The following PTPRM variants were observed in gnomAD, a reference collection of about 807,000 sequenced individuals.
PTPRM encodes the protein protein tyrosine phosphatase receptor type M, also known as receptor-type tyrosine-protein phosphatase mu.
A neutral mutation model predicts 186.7 loss-of-function variants in PTPRM; 47 were observed. The observed-to-expected ratio is 0.25, with a 90% CI of 0.20 to 0.32. The LOEUF is 0.32. Among genes scored for constraint, PTPRM ranks in the 10% least tolerant of loss-of-function variants. PTPRM has a pLI of 1.00. For missense variants in PTPRM, 1,494 were observed against 1,865.0 expected (o/e 0.80, Z 3.66); for synonymous variants, 668 against 674.9 (o/e 0.99, Z 0.16).
At chr18:7,641,114 A>G (rs1307865993) in intron 1 of PTPRM, among the ~76,000 whole-genome samples, 2 of 152,310 alleles carry the variant, frequency 1.3e-5, no homozygotes, top group African/African-American at 4.8e-5. Context: ...TCCCGGAGCT[A>G]AAGCTTGATT....
At chr18:8,078,051 T>C (rs181224116) in intron 9 of PTPRM, among the ~76,000 whole-genome samples, 2 of 152,338 alleles carry the variant, frequency 1.3e-5, no homozygotes, top group Non-Finnish European at 2.9e-5. Context: ...CAGATATGTG[T>C]AAGTAGAACA....
intron 9 of PTPRM, among the ~76,000 whole-genome samples, chr18:8,081,245 AC>A (rs1323053831): frequency 6.6e-6 from 1 of 152,202 alleles, no homozygotes; most frequent in African/African-American, 2.4e-5. Flanking sequence ...TCAGGCACTT[AC>A]CTGCAAATCA....
chr18:8,165,376 T>G (rs898539862), intron 14 of PTPRM, among the ~76,000 whole-genome samples: 1 of 152,044 alleles, frequency 6.6e-6, no homozygotes, highest in Non-Finnish European at 1.5e-5. Context: ...AAAGTTACTG[T>G]CCAGCCGATA....
At chr18:8,033,184 A>G (rs1023198218) in intron 7 of PTPRM, among the ~76,000 whole-genome samples, 3 of 152,220 alleles carry the variant, frequency 2.0e-5, no homozygotes, top group Non-Finnish European at 4.4e-5. Context: ...ATCAATTAAA[A>G]AATGAATACT....
At chr18:7,671,456 T>A (rs2039216503) in intron 1 of PTPRM, among the ~76,000 whole-genome samples, 1 of 152,228 alleles carries the variant, frequency 6.6e-6, no homozygotes, top group Non-Finnish European at 1.5e-5. Flanking sequence ...AGTCCAGCAG[T>A]TATTCATTTT....
At chr18:7,879,412 A>C (rs1157463416) in intron 2 of PTPRM, among the ~76,000 whole-genome samples, 1 of 152,176 alleles carries the variant, frequency 6.6e-6, no homozygotes, top group Non-Finnish European at 1.5e-5. Flanking sequence ...AAACAACTTA[A>C]AATATGATAT....
At chr18:8,319,321 G>A in intron 22 of PTPRM, 107 bp downstream of exon 22, 1 of 760,824 alleles carries the variant, frequency 1.3e-6, no homozygotes, top group Non-Finnish European at 2.1e-6. Context: ...ATTTATTGCG[G>A]TTCTAGCCAT....
chr18:7,987,194 C>A (rs2083008626), intron 7 of PTPRM, among the ~76,000 whole-genome samples: 1 of 152,128 alleles, frequency 6.6e-6, no homozygotes, highest in Non-Finnish European at 1.5e-5. Context: ...TTCTCTACTG[C>A]CCACAGTAGA....
intron 22 of PTPRM, among the ~76,000 whole-genome samples, chr18:8,324,655 G>A (rs963837564): frequency 7.9e-5 from 12 of 152,204 alleles, no homozygotes; most frequent in African/African-American, 2.9e-4. Context: ...CCATGTGCCA[G>A]ACAGCATTCC....
chr18:8,176,500 A>G (rs554404782), intron 14 of PTPRM, among the ~76,000 whole-genome samples: 9 of 152,358 alleles, frequency 5.9e-5, no homozygotes, highest in African/African-American at 2.2e-4. Context: ...ATATATGTAT[A>G]CATATGTAGG....
rs182040725 is a variant in PTPRM at position 8,327,949 on chromosome 18, A to G, written c.2956+8735A>G. On this transcript the variant is annotated intron_variant, in intron 22 of 32. Coordinates refer to ENST00000580170, the MANE Select transcript of PTPRM (RefSeq NM_001105244.2). ...AAGTTCCCTCCAGACACTTTCAGCT[A>G]GGAACAAACTTTTATGTGAAAATAA... 1.6e-3 allele frequency among the ~76,000 whole-genome samples: 239 copies of G among 152,324 alleles called. 2 individuals carry two copies. Among genetic ancestry groups the G allele is most frequent in the African/African-American group, 5.6e-3 (231 of 41,570 alleles).
chr18:8,303,521 C>A (rs2095184757), intron 20 of PTPRM, among the ~76,000 whole-genome samples: 1 of 152,102 alleles, frequency 6.6e-6, no homozygotes, highest in Non-Finnish European at 1.5e-5. Flanking sequence ...TAAGAATGGC[C>A]TGGCAGAGCG....
At chr18:7,730,223 C>A (rs1024781480) in intron 1 of PTPRM, among the ~76,000 whole-genome samples, 1 of 151,386 alleles carries the variant, frequency 6.6e-6, no homozygotes, top group Non-Finnish European at 1.5e-5. Context: ...ATGATTGATG[C>A]TGAAAATGAG....
In PTPRM at chr18:8,096,215, T is replaced by C. The variant is rs982323376; in HGVS notation, c.1856+7364T>C. ...TGCCAGCAGCACACTTAGTGGGTGA[T>C]TGTGGCTCATTCTTGGCTAGGGCCG... On this transcript the variant is annotated intron_variant, in intron 11 of 32. Coordinates refer to ENST00000580170, the MANE Select transcript of PTPRM (RefSeq NM_001105244.2). Among the ~76,000 whole-genome samples, 4 of 152,240 alleles carry C rather than the reference T, an allele frequency of 2.6e-5. No individual in the cohort carries two copies. In the East Asian group the frequency reaches 5.8e-4, roughly 22 times the overall value.
chr18:8,362,354 A>G (rs569456542), intron 23 of PTPRM, among the ~76,000 whole-genome samples: 1 of 152,234 alleles, frequency 6.6e-6, no homozygotes, highest in African/African-American at 2.4e-5. Flanking sequence ...CCCTTTAAAA[A>G]CACTGCTCCT....
At chr18:8,211,512 T>G (rs2094005713) in intron 14 of PTPRM, among the ~76,000 whole-genome samples, 1 of 150,234 alleles carries the variant, frequency 6.7e-6, no homozygotes, top group Admixed American at 6.7e-5. Flanking sequence ...CAAGTGATTC[T>G]CCTACCTCAG....
At chr18:8,130,043 T>C (rs975055865) in intron 13 of PTPRM, among the ~76,000 whole-genome samples, 4 of 152,174 alleles carry the variant, frequency 2.6e-5, no homozygotes, top group Admixed American at 1.3e-4. Context: ...AGTTGTCTTC[T>C]AAGATTCTAT....
intron 1 of PTPRM, among the ~76,000 whole-genome samples, chr18:7,613,936 CATTT>C (rs752216824): frequency 3.3e-5 from 5 of 152,112 alleles, no homozygotes; most frequent in Non-Finnish European, 7.4e-5. Context: ...TAAGGCTTAA[CATTT>C]ATAGTCTTAC....
chr18:8,252,475 A>T lies in PTPRM; in HGVS notation c.2555-13A>T. 6.5e-7 allele frequency: 1 copy of T among 1,538,264 alleles called. No homozygotes were observed. The highest frequency in any genetic ancestry group is 1.4e-5 in the African/African-American group (1 of 73,252). On this transcript the variant is annotated splice_polypyrimidine_tract_variant and intron_variant, in intron 17 of 32. Transcript: ENST00000580170. Reference sequence around the variant, plus strand: ...CTCCTCCTTTTTTCTCCTGATATGTATCTTCTTAAAAGTGCCAATAAATGG... The same window carrying T: ...CTCCTCCTTTTTTCTCCTGATATGTTTCTTCTTAAAAGTGCCAATAAATGG...
Sources: allele counts gnomAD v4.1 joint callset (sites outside exome capture counted in the v4.1 genomes callset), GRCh38; gene constraint gnomAD v4.1.1; transcripts MANE v1.5; gene names NCBI Gene and HGNC (gene_info 2026-07-23, HGNC 2026-07-21).